Variants in PRSS23 observed in about 807,000 individuals in gnomAD.
PRSS23 encodes protease, serine 23.
Under a neutral mutation model 34.7 loss-of-function variants are expected in PRSS23, and 25 were observed. The ratio of observed to expected loss-of-function variants is 0.72; its 90% confidence interval spans 0.53 to 1.01. The LOEUF (loss-of-function observed/expected upper bound fraction) is 1.01. PRSS23 is among the 50% of genes least tolerant of loss of function. PRSS23 has a pLI of 0.00. For missense variants in PRSS23, 445 were observed against 475.6 expected (o/e 0.94, Z 0.60); for synonymous variants, 176 against 186.6 (o/e 0.94, Z 0.46).
intron 2 of PRSS23, among the ~76,000 whole-genome samples, chr11:86,830,184 C>G (rs965427903): frequency 3.3e-5 from 5 of 152,116 alleles, no homozygotes; most frequent in South Asian, 2.1e-4. Context: ...CCTAAGCAAG[C>G]CCGGGCAATG....
intron 2 of PRSS23, among the ~76,000 whole-genome samples, chr11:86,888,587 AC>A (rs1948821127): frequency 6.6e-6 from 1 of 152,326 alleles, no homozygotes; most frequent in Non-Finnish European, 1.5e-5. Flanking sequence ...CATGTAAGAA[AC>A]AGATGTTTTG....
At chr11:86,884,731 C>A (rs1041117489) in intron 2 of PRSS23, among the ~76,000 whole-genome samples, 5 of 152,180 alleles carry the variant, frequency 3.3e-5, no homozygotes, top group African/African-American at 1.2e-4. Context: ...TGCCTCTTGT[C>A]CCACCATTCC....
intron 2 of PRSS23, chr11:86,857,211 C>A: frequency 3.2e-6 from 1 of 316,106 alleles, no homozygotes; most frequent in South Asian, 3.7e-5. Context: ...GAGATGATGA[C>A]ACAGCTGAAG....
At chr11:86,900,657 C>G (rs925194328) in intron 2 of PRSS23, among the ~76,000 whole-genome samples, 1 of 151,880 alleles carries the variant, frequency 6.6e-6, no homozygotes, top group Non-Finnish European at 1.5e-5. Flanking sequence ...AGTATATAGG[C>G]GGCATCCTCT....
intron 2 of PRSS23, among the ~76,000 whole-genome samples, chr11:86,915,380 T>A (rs991323474): frequency 6.6e-6 from 1 of 151,930 alleles, no homozygotes; most frequent in Non-Finnish European, 1.5e-5. Flanking sequence ...TTGGGACAGT[T>A]TTTTATCCTC....
chr11:86,808,164 C>T lies in PRSS23; in HGVS notation c.521C>T (p.Ala174Val), dbSNP rs1421224437. Residue 174 changes from alanine (A) to valine (V), a missense_variant, in exon 2 of 2, where the codon GCC becomes GTC. Transcript: ENST00000280258. ...LVAEKHVLTA[A>V]HCIHDGKTYV... Reference sequence around the variant, plus strand: ...GCAGAGAAGCATGTCCTCACAGCTGCCCACTGCATACACGATGGAAAAACC... The same window carrying T: ...GCAGAGAAGCATGTCCTCACAGCTGTCCACTGCATACACGATGGAAAAACC... 1 of 1,614,192 alleles carries T rather than the reference C, an allele frequency of 6.2e-7. No individual in the cohort carries two copies. Among genetic ancestry groups the T allele is most frequent in the Non-Finnish European group, 8.5e-7 (1 of 1,180,044 alleles).
chr11:86,846,600 C>A (rs866083369), intron 2 of PRSS23, among the ~76,000 whole-genome samples: 14 of 152,154 alleles, frequency 9.2e-5, no homozygotes, highest in Admixed American at 2.0e-4. Flanking sequence ...GCCAGAGGCT[C>A]CCCCTGCATG....
intron 2 of PRSS23, chr11:86,833,456 C>G (rs1424403536): frequency 2.1e-6 from 1 of 472,194 alleles, no homozygotes. Flanking sequence ...TTCTGTGGGT[C>G]TGTATAGTTC....
At chr11:86,811,915 A>G (rs1182849678), downstream of PRSS23, among the ~76,000 whole-genome samples, 2 of 152,132 alleles carry the variant, frequency 1.3e-5, no homozygotes, top group Non-Finnish European at 2.9e-5. Flanking sequence ...GTGATCCCCA[A>G]CACTCACTGA....
intron 2 of PRSS23, among the ~76,000 whole-genome samples, chr11:86,914,502 C>G (rs1565384716): frequency 6.6e-6 from 1 of 152,158 alleles, no homozygotes; most frequent in Non-Finnish European, 1.5e-5. Flanking sequence ...TGTTCTTTTT[C>G]CACATAAAAT....
chr11:86,867,196 C>G, intron 2 of PRSS23, among the ~76,000 whole-genome samples: 1 of 152,202 alleles, frequency 6.6e-6, no homozygotes, highest in East Asian at 1.9e-4. Flanking sequence ...GGAATGCTCT[C>G]CCTCACAACT....
chr11:86,951,859 GTTC>G (rs1949295303), exon 3 of PRSS23: 3 of 1,613,648 alleles, frequency 1.9e-6, no homozygotes, highest in Non-Finnish European at 2.5e-6. Flanking sequence ...CACATCCTGT[GTTC>G]TTAAGTCCTT....
chr11:86,843,194 G>A (rs1341191202), intron 2 of PRSS23, among the ~76,000 whole-genome samples: 1 of 152,146 alleles, frequency 6.6e-6, no homozygotes, highest in African/African-American at 2.4e-5. Context: ...TTAACAAATG[G>A]TGCTGGGAAA....
chr11:86,803,659 C>T (rs895134952), intron 1 of PRSS23, among the ~76,000 whole-genome samples: 1 of 152,148 alleles, frequency 6.6e-6, no homozygotes, highest in Admixed American at 6.5e-5. Flanking sequence ...GTTTCCCCCT[C>T]AGGCTTTTCT....
chr11:86,807,498 T>C, intron 1 of PRSS23, 133 bp from the exon 2 acceptor site: 1 of 877,670 alleles, frequency 1.1e-6, no homozygotes, highest in Non-Finnish European at 1.7e-6. Context: ...TAAGGATTCC[T>C]CTCCACACCC....
At chr11:86,877,151 G>A (rs1265984917) in intron 2 of PRSS23, among the ~76,000 whole-genome samples, 1 of 152,162 alleles carries the variant, frequency 6.6e-6, no homozygotes, top group Non-Finnish European at 1.5e-5. Context: ...CTCTATTATG[G>A]CTTTATCCAT....
Position 86,934,085 on chromosome 11 carries a change from G to A in PRSS23, c.207-17131G>A, listed in dbSNP as rs1019287658. ...TCTATTTTTCAAATTACTTTCATATGTCCTGTTTCATTTATTTCCCCCAGT... is the reference window on the plus strand; with the variant it reads ...TCTATTTTTCAAATTACTTTCATATATCCTGTTTCATTTATTTCCCCCAGT... On this transcript the variant is annotated intron_variant, in intron 2 of 2. Transcript: ENST00000533902. 3 of 152,290 alleles carry A rather than the reference G, an allele frequency of 2.0e-5. No individual in the cohort carries two copies. The South Asian group carries it at 6.2e-4, about 32-fold the overall frequency. The allele number at this position is 152,290 out of a possible 1,614,324, so 9.4% of individuals were successfully genotyped here. A position where few individuals can be genotyped will look rare whatever the true frequency, so the allele number is the denominator to read the frequency against.
intron 2 of PRSS23, among the ~76,000 whole-genome samples, chr11:86,859,456 T>C (rs1948597384): frequency 6.6e-6 from 1 of 151,964 alleles, no homozygotes; most frequent in Non-Finnish European, 1.5e-5. Context: ...ACTCCCAATA[T>C]CGTAGAAAGT....
chr11:86,802,537 C>G (rs1334349451), intron 1 of PRSS23, among the ~76,000 whole-genome samples: 13 of 152,222 alleles, frequency 8.5e-5, no homozygotes, highest in African/African-American at 3.1e-4. Context: ...ATATCACTGA[C>G]CACTGATTCC....
Sources: gnomAD v4.1 joint callset for allele counts (sites outside exome capture counted in the v4.1 genomes callset) on GRCh38, gnomAD v4.1.1 for gene constraint, MANE v1.5 for transcripts, NCBI Gene and HGNC (gene_info 2026-07-23, HGNC 2026-07-21) for gene names.